MAP3K9: variants seen among roughly 807,000 people sequenced by gnomAD.
MAP3K9 encodes mixed lineage kinase 1 (tyr and ser/thr specificity).
In MAP3K9, 46 loss-of-function variants were observed where a neutral mutation model predicts 95.8. That is an observed-to-expected ratio of 0.48 (90% CI 0.38 to 0.61). MAP3K9 has a LOEUF of 0.61. Ranked by LOEUF, MAP3K9 falls within the 20% of genes least tolerant of loss-of-function variation. MAP3K9 has a pLI of 0.00. For missense variants in MAP3K9, 1,296 were observed against 1,474.3 expected (o/e 0.88, Z 1.98); for synonymous variants, 533 against 593.8 (o/e 0.90, Z 1.49).
intron 1 of MAP3K9, among the ~76,000 whole-genome samples, chr14:70,804,882 A>C: frequency 6.6e-6 from 1 of 152,184 alleles, no homozygotes; most frequent in Non-Finnish European, 1.5e-5. Context: ...CACAACTTTC[A>C]AGCAGATAAA....
In MAP3K9 at chr14:70,784,082, G is replaced by A. The variant is rs776458846; in HGVS notation, c.820+16585C>T. Among the ~76,000 whole-genome samples the A allele has an allele frequency of 6.6e-5, 10 of 151,414 alleles. No homozygotes were observed. The East Asian group carries it at 1.2e-3, about 18-fold the overall frequency. On this transcript the variant is annotated intron_variant, in intron 2 of 11. Coordinates refer to ENST00000554752, the MANE Select transcript of MAP3K9 (RefSeq NM_001284230.2). ...GCAGATAGCCTGAAGTCAGGAGTTC[G>A]AGACCAGCTTGACCAACATGGTGAA...
intron 3 of MAP3K9, among the ~76,000 whole-genome samples, chr14:70,758,705 T>C (rs1487866427): frequency 1.3e-5 from 2 of 151,632 alleles, no homozygotes; most frequent in Non-Finnish European, 2.9e-5. Context: ...ATCCATACAA[T>C]GGAATATTAT....
intron 9 of MAP3K9, among the ~76,000 whole-genome samples, chr14:70,735,170 C>T (rs1333506943): frequency 6.6e-6 from 1 of 152,248 alleles, no homozygotes; most frequent in East Asian, 1.9e-4. Flanking sequence ...CTTTCAAATC[C>T]CTGTCATCAG....
At chr14:70,762,885 TC>T (rs1379051978) in intron 2 of MAP3K9, among the ~76,000 whole-genome samples, 2 of 152,248 alleles carry the variant, frequency 1.3e-5, no homozygotes, top group African/African-American at 4.8e-5. Flanking sequence ...TACATTTAGG[TC>T]ATTGATCCAC....
intron 3 of MAP3K9, among the ~76,000 whole-genome samples, chr14:70,756,044 T>C (rs1239306736): frequency 6.6e-6 from 1 of 152,202 alleles, no homozygotes; most frequent in African/African-American, 2.4e-5. Flanking sequence ...ATCATGGTTA[T>C]AGGGCAAGAC....
intron 2 of MAP3K9, among the ~76,000 whole-genome samples, chr14:70,770,907 C>A (rs551830322): frequency 6.6e-6 from 1 of 152,036 alleles, no homozygotes; most frequent in Non-Finnish European, 1.5e-5. Flanking sequence ...AGAAAGGACG[C>A]GTAGGAGGTA....
intron 3 of MAP3K9, among the ~76,000 whole-genome samples, chr14:70,752,709 C>T (rs867287116): frequency 4.6e-5 from 7 of 152,260 alleles, no homozygotes; most frequent in Non-Finnish European, 7.4e-5. Context: ...CAAAGACAGA[C>T]GGTATCTGGG....
At chr14:70,742,615 G>A in intron 5 of MAP3K9, 24 bp from the exon 6 acceptor site, 1 of 1,610,794 alleles carries the variant, frequency 6.2e-7, no homozygotes, top group Non-Finnish European at 8.5e-7. Flanking sequence ...AGAACCATCA[G>A]AGAAAAGACT....
chr14:70,766,498 A>T (rs1192123207), intron 2 of MAP3K9, among the ~76,000 whole-genome samples: 1 of 152,134 alleles, frequency 6.6e-6, no homozygotes, highest in Non-Finnish European at 1.5e-5. Flanking sequence ...CACGCAATAC[A>T]TTTTTGCTGT....
rs1016054513 is a variant in MAP3K9 at position 70,726,561 on chromosome 14, T to C, written c.*3819A>G. On this transcript the variant is annotated 3_prime_UTR_variant, in exon 12 of 12. Transcript: ENST00000554752. ...TAAGACACAAGTGGTGAGGATGACA[T>C]TGGCAGACAGCATCAGACAAGTTAA... 2.0e-5 allele frequency: 3 copies of C among 152,248 alleles called. No homozygotes were observed. Among genetic ancestry groups the C allele is most frequent in the South Asian group, 2.1e-4 (1 of 4,826 alleles). 9.4% of individuals were successfully genotyped at this position (152,248 alleles called of 1,614,324 possible). A position where few individuals can be genotyped will look rare whatever the true frequency, so the allele number is the denominator to read the frequency against.
At position 70,733,181 on chromosome 14, in the gene MAP3K9, T is replaced by C; in HGVS notation, c.2188A>G (p.Thr730Ala). 3 of 1,610,514 alleles carry C rather than the reference T, an allele frequency of 1.9e-6. No homozygotes were observed. In the South Asian group the frequency reaches 3.3e-5, roughly 18 times the overall value. Residue 730 changes from threonine (T) to alanine (A), a missense_variant, in exon 11 of 12, where the codon ACC becomes GCC. Transcript: ENST00000554752. ...EPTPVNSATS[T>A]PQLTPTNSLK... is the part of the protein sequence containing the mutation. ...CTGTTGGTTGGCGTCAGCTGAGGGG[T>C]ACTCGTGGCCGAGTTGACTGGGGTG...
intron 8 of MAP3K9, among the ~76,000 whole-genome samples, chr14:70,737,941 T>G (rs770918390): frequency 6.6e-6 from 1 of 152,214 alleles, no homozygotes; most frequent in Non-Finnish European, 1.5e-5. Flanking sequence ...CATTTACATG[T>G]TGTCCATGGT....
At chr14:70,768,255 T>G (rs953259189) in intron 2 of MAP3K9, among the ~76,000 whole-genome samples, 1 of 152,050 alleles carries the variant, frequency 6.6e-6, no homozygotes, top group Admixed American at 6.6e-5. Context: ...CAATATCTCA[T>G]GTACCCCAAA....
chr14:70,798,846 TAAAGAGACAGGA>T (rs2054896538), intron 2 of MAP3K9, among the ~76,000 whole-genome samples: 1 of 152,058 alleles, frequency 6.6e-6, no homozygotes, highest in Non-Finnish European at 1.5e-5. Flanking sequence ...ATCATCATGA[TAAAGAGACAGGA>T]AAATGGCAAA....
intron 3 of MAP3K9, among the ~76,000 whole-genome samples, 158 bp downstream of exon 3, chr14:70,760,844 G>T (rs2054363898): frequency 6.6e-6 from 1 of 152,084 alleles, no homozygotes. Context: ...ACTGTCCCCT[G>T]GCAATATGGG....
At chr14:70,796,498 G>A (rs897225013) in intron 2 of MAP3K9, among the ~76,000 whole-genome samples, 1 of 152,128 alleles carries the variant, frequency 6.6e-6, no homozygotes, top group African/African-American at 2.4e-5. Flanking sequence ...ATTCCTTAGC[G>A]GCAATGCCCT....
rs1368067158 is a variant in MAP3K9, at chr14:70,724,581, C to A, written c.*5799G>T. ...TCAGTAATCAAGGTAAATCATATTG[C>A]AATGCAGTATTTTTTAAAAATCAGA... On this transcript the variant is annotated 3_prime_UTR_variant, in exon 12 of 12. Coordinates refer to ENST00000554752, the MANE Select transcript of MAP3K9 (RefSeq NM_001284230.2). 1 of 151,682 alleles carries A rather than the reference C, an allele frequency of 6.6e-6. No homozygotes were observed. Among genetic ancestry groups the A allele is most frequent in the Non-Finnish European group, 1.5e-5 (1 of 67,962 alleles). 9.4% of individuals were successfully genotyped at this position (151,682 alleles called of 1,614,324 possible).
Position 70,724,627 on chromosome 14 carries a change from T to C in MAP3K9, c.*5753A>G, listed in dbSNP as rs1594755385. 6.6e-6 allele frequency: 1 copy of C among 152,190 alleles called. No homozygotes were observed. Among genetic ancestry groups the C allele is most frequent in the African/African-American group, 2.4e-5 (1 of 41,454 alleles). 9.4% of individuals were successfully genotyped at this position (152,190 alleles called of 1,614,324 possible). A position where few individuals can be genotyped will look rare whatever the true frequency, so the allele number is the denominator to read the frequency against. ...TCAGAGTTATTGAAAAATTCCACGA[T>C]GAATACAGTATCAAAATTTTAAGTC... On this transcript the variant is annotated 3_prime_UTR_variant, in exon 12 of 12. Transcript: ENST00000554752.
rs889882465 is a variant in MAP3K9 at position 70,777,117 on chromosome 14, C to T, written c.821-15935G>A. Among the ~76,000 whole-genome samples, 5 of 152,268 alleles carry T rather than the reference C, an allele frequency of 3.3e-5. No individual in the cohort carries two copies. In the East Asian group the frequency reaches 9.7e-4, roughly 29 times the overall value. On this transcript the variant is annotated intron_variant, in intron 2 of 11. Coordinates refer to ENST00000554752, the MANE Select transcript of MAP3K9 (RefSeq NM_001284230.2). ...AAGTGCTGGGATTACAGGCGTGAGC[C>T]ACCACACCCGGCCAAAGATCTCTCA...
Sources: gnomAD v4.1 joint callset for allele counts (sites outside exome capture counted in the v4.1 genomes callset) on GRCh38, gnomAD v4.1.1 for gene constraint, MANE v1.5 for transcripts, NCBI Gene and HGNC (gene_info 2026-07-23, HGNC 2026-07-21) for gene names.